Variants in PGK1 observed in about 807,000 individuals in gnomAD.
The protein encoded by PGK1 is phosphoglycerate kinase 1, also known as PRP 2.
Under a neutral mutation model 26.9 loss-of-function variants are expected in PGK1, and 3 were observed. The observed-to-expected ratio is 0.11, with a 90% CI of 0.05 to 0.29. PGK1 has a LOEUF of 0.29. Among genes scored for constraint, PGK1 ranks in the 10% least tolerant of loss-of-function variants. PGK1 has a pLI of 1.00. For missense variants in PGK1, 270 were observed against 314.7 expected (o/e 0.86, Z 1.07); for synonymous variants, 125 against 115.3 (o/e 1.08, Z -0.54).
intron 1 of PGK1, 145 bp downstream of exon 1, chrX:78,104,550 C>T (rs971288822): frequency 1.5e-4 from 81 of 540,464 alleles, no homozygotes; most frequent in Non-Finnish European, 2.4e-4. Context: ...CGAGGCTGCT[C>T]ACGGGTTTGG....
At chrX:78,112,961 T>C (rs961641667) in intron 2 of PGK1, among the ~76,000 whole-genome samples, 3 of 111,999 alleles carry the variant, frequency 2.7e-5, no homozygotes, top group African/African-American at 6.5e-5. Flanking sequence ...AAGATTTTTG[T>C]TGGGAACTGG....
At chrX:78,113,505 C>T (rs2078311203) in intron 2 of PGK1, among the ~76,000 whole-genome samples, 1 of 111,274 alleles carries the variant, frequency 9.0e-6, no homozygotes, top group Non-Finnish European at 1.9e-5. Context: ...TAGCCTCAGG[C>T]CTGCTGTGTT....
At chrX:78,119,675 A>G (rs1196956731) in intron 6 of PGK1, among the ~76,000 whole-genome samples, 3 of 111,646 alleles carry the variant, frequency 2.7e-5, no homozygotes, top group Non-Finnish European at 3.8e-5. Context: ...TTCTTGTGAT[A>G]GTGTTGTTTG....
chrX:78,125,550 G>A (rs2078379176), intron 10 of PGK1, 125 bp downstream of exon 10: 1 of 551,254 alleles, frequency 1.8e-6, no homozygotes, highest in East Asian at 3.3e-5. Context: ...TACCTGGGCA[G>A]TACAGAGGAA....
Position 78,110,163 on chromosome X carries a change from C to A in PGK1, c.116+246C>A, listed in dbSNP as rs182397383. The stretch of plus-strand genomic sequence containing the variant: ...ATTAGAAGAATTTGGAGTTCATTTT[C>A]TTTTTTTGAGATAGGGTCTCACTCT... On this transcript the variant is annotated intron_variant, in intron 2 of 10. Coordinates refer to ENST00000373316, the MANE Select transcript of PGK1 (RefSeq NM_000291.4). Among the ~76,000 whole-genome samples, 21 of 110,186 alleles carry A rather than the reference C, an allele frequency of 1.9e-4. No individual in the cohort carries two copies. The East Asian group carries it at 6.1e-3, about 32-fold the overall frequency.
At chrX:78,106,186 T>G (rs919215855) in intron 1 of PGK1, among the ~76,000 whole-genome samples, 1 of 111,716 alleles carries the variant, frequency 9.0e-6, no homozygotes, top group Admixed American at 9.5e-5. Context: ...ACCCAAAGCC[T>G]TGAAATGATT....
At chrX:78,123,041 G>A (rs1159686280) in intron 7 of PGK1, 92 bp downstream of exon 7, 2 of 723,661 alleles carry the variant, frequency 2.8e-6, no homozygotes, top group Non-Finnish European at 2.2e-6. Flanking sequence ...TTTGACATGA[G>A]CCCTGAAAAT....
intron 1 of PGK1, among the ~76,000 whole-genome samples, chrX:78,105,827 T>C (rs1434267087): frequency 1.8e-5 from 2 of 111,874 alleles, no homozygotes; most frequent in African/African-American, 6.5e-5. Flanking sequence ...GTCACAGCCA[T>C]GTTAGTACTA....
chrX:78,106,327 G>T, intron 1 of PGK1: 1 of 613,334 alleles, frequency 1.6e-6, no homozygotes, highest in Non-Finnish European at 2.0e-6. Context: ...TCGAGACAAT[G>T]ACCAAGGATA....
rs781967907 is a variant in PGK1, at chrX:78,114,122, G to C, written c.379G>C (p.Glu127Gln). Residue 127 changes from glutamate (E) to glutamine (Q), a missense_variant, in exon 4 of 11, where the codon GAG becomes CAG. Coordinates refer to ENST00000373316, the MANE Select transcript of PGK1 (RefSeq NM_000291.4). ...ILLENLRFHV[E>Q]EEGKGKDASG... ...GCTGGAGAACCTCCGCTTTCATGTG[G>C]AGGAAGAAGGGAAGGGAAAAGATGC... 1 of 1,211,318 alleles carries C rather than the reference G, an allele frequency of 8.3e-7. No individual in the cohort carries two copies. Among genetic ancestry groups the C allele is most frequent in the Admixed American group, 2.2e-5 (1 of 46,045 alleles).
intron 2 of PGK1, among the ~76,000 whole-genome samples, chrX:78,111,490 A>C (rs1438238760): frequency 9.0e-6 from 1 of 111,022 alleles, no homozygotes; most frequent in Non-Finnish European, 1.9e-5. Flanking sequence ...AATTAAATTA[A>C]AGGGACATTT....
intron 8 of PGK1, among the ~76,000 whole-genome samples, chrX:78,123,754 G>A (rs2078368655): frequency 9.1e-6 from 1 of 109,795 alleles, no homozygotes; most frequent in Admixed American, 9.7e-5. Flanking sequence ...GACTACAGGT[G>A]TGCACCACCA....
Position 78,118,165 on chromosome X carries a change from G to A in PGK1, c.636G>A (p.Leu212=). The A allele has an allele frequency of 8.3e-7, 1 of 1,210,796 alleles. No homozygotes were observed. The highest frequency in any genetic ancestry group is 1.1e-6 in the Non-Finnish European group (1 of 894,780). Residue 212 remains leucine, a synonymous_variant, in exon 6 of 11, where the codon CTG becomes CTA. Transcript: ENST00000373316. ...ESPERPFLAI[L]GGAKVADKIQ... ...CAGAGCGACCCTTCCTGGCCATCCT[G>A]GGCGGGTATGAAGAACTCTTTAAGA... is the stretch of plus-strand genomic sequence containing the variant.
chrX:78,125,425 G>C lies in PGK1; in HGVS notation c.1213G>C (p.Gly405Arg). Residue 405 changes from glycine to arginine, a missense_variant and splice_region_variant, in exon 10 of 11, where the codon GGT (glycine) becomes CGT (arginine). Gly to Arg is a moderately radical substitution (Grantham distance 125). Around this residue, in one of 3 missense-constraint regions of PGK1, gnomAD observed 103 missense variants for 114.6 expected, o/e 0.90. Coordinates refer to ENST00000373316, the MANE Select transcript of PGK1 (RefSeq NM_000291.4). ...TGGTGCCAGTTTGGAGCTCCTGGAAGGTGAGGGTCTTCTGTTTTTTGGCTT... is the reference window on the plus strand; with the variant it reads ...TGGTGCCAGTTTGGAGCTCCTGGAACGTGAGGGTCTTCTGTTTTTTGGCTT... Reference protein sequence around the residue: ...GGGASLELLEGKVLPGVDALS... With the variant: ...GGGASLELLERKVLPGVDALS... 6 of 1,171,328 alleles carry C rather than the reference G, an allele frequency of 5.1e-6. No individual in the cohort carries two copies. The highest frequency in any genetic ancestry group is 7.0e-6 in the Non-Finnish European group (6 of 858,721).
At chrX:78,110,060 C>T in intron 2 of PGK1, 143 bp downstream of exon 2, 2 of 497,726 alleles carry the variant, frequency 4.0e-6, no homozygotes, top group Non-Finnish European at 3.7e-6. Flanking sequence ...ACTCTCTGAT[C>T]TGCTTTCTTA....
intron 5 of PGK1, 22 bp from the exon 6 acceptor site, chrX:78,118,029 G>C: frequency 8.3e-7 from 1 of 1,198,240 alleles, no homozygotes; most frequent in South Asian, 1.8e-5. Context: ...ACTAGAATCT[G>C]AATGTCTTTG....
chrX:78,106,285 C>T, intron 1 of PGK1: 2 of 386,862 alleles, frequency 5.2e-6, no homozygotes, highest in Non-Finnish European at 6.6e-6. Flanking sequence ...GAATTTAGGT[C>T]TCCTTGGCTA....
chrX:78,125,546 G>C, intron 10 of PGK1, 121 bp downstream of exon 10: 1 of 558,499 alleles, frequency 1.8e-6, no homozygotes, highest in Non-Finnish European at 3.1e-6. Context: ...TTACTACCTG[G>C]GCAGTACAGA....
chrX:78,126,387 A>G lies in PGK1; in HGVS notation c.*557A>G, dbSNP rs1173780269. On this transcript the variant is annotated 3_prime_UTR_variant, in exon 11 of 11. Transcript: ENST00000373316. ...GAAGTGGGGCAGCAGCAGTGGAGAG[A>G]TGGGACAATTAGATAAATGTCCATT... 8.8e-6 allele frequency: 1 copy of G among 114,182 alleles called. No individual in the cohort carries two copies. The allele number at this position is 114,182 out of a possible 1,213,427, so 9.4% of individuals were successfully genotyped here.
Sources: allele counts gnomAD v4.1 joint callset (sites outside exome capture counted in the v4.1 genomes callset), GRCh38; gene constraint gnomAD v4.1.1; regional missense constraint gnomAD v4.1.1; transcripts MANE v1.5; gene names NCBI Gene and HGNC (gene_info 2026-07-23, HGNC 2026-07-21).